Variants in ESR1 observed in about 807,000 individuals in gnomAD.
The protein encoded by ESR1 is estrogen receptor 1.
In ESR1, 12 loss-of-function variants were observed where a neutral mutation model predicts 52.7. The ratio of observed to expected loss-of-function variants is 0.23; its 90% CI spans 0.15 to 0.37. The LOEUF (loss-of-function observed/expected upper bound fraction) is 0.37. Ranked by LOEUF, ESR1 falls within the 10% of genes least tolerant of loss-of-function variation. ESR1 has a pLI of 1.00. For missense variants in ESR1, 584 were observed against 779.7 expected, an observed-to-expected ratio of 0.75 and a Z score of 2.99; for synonymous variants, 305 against 316.8, an observed-to-expected ratio of 0.96 and a Z score of 0.39.
intron 1 of ESR1, among the ~76,000 whole-genome samples, chr6:151,822,680 C>T (rs1780760007): frequency 6.6e-6 from 1 of 152,192 alleles, no homozygotes; most frequent in South Asian, 2.1e-4. Context: ...CTGCACGCCT[C>T]ATGACGCTGT....
At chr6:151,969,224 C>G (rs558222375) in intron 4 of ESR1, among the ~76,000 whole-genome samples, 31 of 152,244 alleles carry the variant, frequency 2.0e-4, no homozygotes, top group African/African-American at 6.0e-4. Context: ...TCCATCCCAT[C>G]TGTTTCCTAC....
chr6:152,021,133 G>A (rs904286248), intron 5 of ESR1, among the ~76,000 whole-genome samples: 2 of 152,138 alleles, frequency 1.3e-5, no homozygotes, highest in African/African-American at 2.4e-5. Context: ...ATTTGAGTCA[G>A]TGGGCTGTGG....
intron 2 of ESR1, among the ~76,000 whole-genome samples, chr6:151,713,509 T>C (rs1012690151): frequency 9.9e-5 from 15 of 152,226 alleles, no homozygotes; most frequent in African/African-American, 3.6e-4. Flanking sequence ...CCTGCCTCAA[T>C]TTCAGAACTT....
chr6:152,074,134 T>C (rs9479195), intron 6 of ESR1, among the ~76,000 whole-genome samples: 31,140 of 151,976 alleles, frequency 0.2, 4,404 homozygotes, highest in African/African-American at 0.39. Context: ...TCACCCAAAG[T>C]GCATAGTTTG....
At chr6:151,997,380 G>T (rs955915589) in intron 4 of ESR1, among the ~76,000 whole-genome samples, 3 of 152,100 alleles carry the variant, frequency 2.0e-5, no homozygotes, top group Non-Finnish European at 4.4e-5. Context: ...CCCAACCCTT[G>T]TAATCTTTTT....
chr6:152,103,637 T>C (rs1280882034), downstream of ESR1, among the ~76,000 whole-genome samples: 1 of 152,258 alleles, frequency 6.6e-6, no homozygotes, highest in Non-Finnish European at 1.5e-5. Flanking sequence ...TGTTTTTTAA[T>C]GCCTGGCCCA....
At chr6:151,938,366 A>G (rs1167981323) in intron 3 of ESR1, among the ~76,000 whole-genome samples, 2 of 152,238 alleles carry the variant, frequency 1.3e-5, no homozygotes, top group Non-Finnish European at 2.9e-5. Flanking sequence ...CAAGCCAAAG[A>G]ATTTAAAGAA....
intron 6 of ESR1, among the ~76,000 whole-genome samples, chr6:152,109,776 A>G (rs2051109784): frequency 1.3e-5 from 2 of 152,246 alleles, no homozygotes; most frequent in Admixed American, 1.3e-4. Flanking sequence ...ATGTTCGTTC[A>G]AGACAGAGAT....
intron 5 of ESR1, among the ~76,000 whole-genome samples, chr6:152,060,479 C>T (rs1231005440): frequency 1.3e-5 from 2 of 152,186 alleles, no homozygotes; most frequent in Non-Finnish European, 2.9e-5. Context: ...CCAATGGGCT[C>T]AGCCCAACCA....
At chr6:151,718,275 G>T (rs1165192823) in intron 2 of ESR1, among the ~76,000 whole-genome samples, 1 of 152,158 alleles carries the variant, frequency 6.6e-6, no homozygotes. Context: ...ACATCTGGAA[G>T]GTTCTCTCTG....
At chr6:152,047,880 C>T (rs1356031496) in intron 5 of ESR1, among the ~76,000 whole-genome samples, 1 of 151,486 alleles carries the variant, frequency 6.6e-6, no homozygotes, top group Non-Finnish European at 1.5e-5. Context: ...TCTCCAGGCT[C>T]ATCCAGGGCC....
At chr6:152,055,670 G>A (rs750586163) in intron 5 of ESR1, among the ~76,000 whole-genome samples, 21 of 151,956 alleles carry the variant, frequency 1.4e-4, no homozygotes, top group Non-Finnish European at 2.2e-4. Context: ...CTGATCTCAC[G>A]TCTTTCTCGC....
chr6:151,844,658 C>T (rs949211603), intron 2 of ESR1, among the ~76,000 whole-genome samples: 6 of 152,228 alleles, frequency 3.9e-5, no homozygotes, highest in South Asian at 2.1e-4. Flanking sequence ...AGCCCTGGCC[C>T]GTGGCCGATC....
intron 1 of ESR1, among the ~76,000 whole-genome samples, 174 bp downstream of exon 1, chr6:151,808,538 C>T (rs1778259552): frequency 6.6e-6 from 1 of 152,146 alleles, no homozygotes; most frequent in Non-Finnish European, 1.5e-5. Flanking sequence ...TGCGTGCAGC[C>T]CGCGCTGCGT....
intron 4 of ESR1, among the ~76,000 whole-genome samples, chr6:151,970,883 T>C (rs1292612313): frequency 6.6e-6 from 1 of 152,202 alleles, no homozygotes; most frequent in Non-Finnish European, 1.5e-5. Context: ...CAAGCTTAGA[T>C]GCTATTATGT....
At chr6:152,121,424 A>T (rs1025783241) in intron 6 of ESR1, among the ~76,000 whole-genome samples, 4 of 152,188 alleles carry the variant, frequency 2.6e-5, no homozygotes, top group Non-Finnish European at 5.9e-5. Flanking sequence ...AAAGGAATGG[A>T]GAATAGAGGA....
intron 1 of ESR1, among the ~76,000 whole-genome samples, chr6:151,832,795 T>C (rs139294082): frequency 7.6e-4 from 116 of 152,348 alleles, no homozygotes; most frequent in African/African-American, 2.6e-3. Flanking sequence ...ATCCATACTC[T>C]TGAAAAGCTT....
At chr6:151,850,392 AGAGAGAGAAGAGAGAGAGGGAG>A (rs943259439) in intron 2 of ESR1, among the ~76,000 whole-genome samples, 2 of 150,840 alleles carry the variant, frequency 1.3e-5, no homozygotes, top group Non-Finnish European at 3.0e-5. Flanking sequence ...ACAGAGAGAG[AGAGAGAGAAGAGAGAGAGGGAG>A]GAGAGAGAGG....
chr6:151,735,081 T>G (rs1171934687), intron 2 of ESR1, among the ~76,000 whole-genome samples: 1 of 152,240 alleles, frequency 6.6e-6, no homozygotes, highest in African/African-American at 2.4e-5. Context: ...CTTTGGCCAT[T>G]TCTTCATTAG....
Sources: gnomAD v4.1 joint callset for allele counts (sites outside exome capture counted in the v4.1 genomes callset) on GRCh38, gnomAD v4.1.1 for gene constraint, MANE v1.5 for transcripts, NCBI Gene and HGNC (gene_info 2026-07-23, HGNC 2026-07-21) for gene names.